The following CCDC97 variants were observed in gnomAD, a reference collection of about 807,000 sequenced individuals.
CCDC97 encodes coiled-coil domain containing 97, also known as coiled-coil domain-containing protein 97.
In CCDC97, 27 loss-of-function variants were observed where a neutral mutation model predicts 33.9. The observed-to-expected ratio is 0.80, with a 90% CI of 0.59 to 1.10. The LOEUF is 1.10. CCDC97 is among the 50% of genes least tolerant of loss of function. The probability of loss-of-function intolerance (pLI) is 0.00; values close to 1 mark genes in which losing one functional copy is unlikely to be tolerated. For synonymous variants in CCDC97, 217 were observed against 194.0 expected (o/e 1.12, Z -0.99); for missense variants, 422 against 476.6 (o/e 0.89, Z 1.07).
chr19:41,319,915 C>G, intron 3 of CCDC97, 63 bp downstream of exon 3: 1 of 786,700 alleles, frequency 1.3e-6, no homozygotes, highest in Non-Finnish European at 2.0e-6. Context: ...CTGTCTGTCT[C>G]CACTTCATGG....
At chr19:41,322,366 G>A (rs892404658) in intron 4 of CCDC97, among the ~76,000 whole-genome samples, 6 of 152,194 alleles carry the variant, frequency 3.9e-5, no homozygotes, top group African/African-American at 1.2e-4. Context: ...TGCTGGGATT[G>A]CAGGCATGAG....
chr19:41,321,569 T>TA (rs558406138), intron 4 of CCDC97, among the ~76,000 whole-genome samples: 84 of 152,304 alleles, frequency 5.5e-4, no homozygotes, highest in Admixed American at 2.0e-3. Context: ...GGTCCCACTC[T>TA]AGTGAGGAAG....
chr19:41,319,612 G>C lies in CCDC97; in HGVS notation c.541G>C (p.Ala181Pro). ...CAGTGATGAGCAGATGCGGTTCCGG[G>C]CCCCCCTGCTATATGAGCAGTACAT... ...YFSDEQMRFR[A>P]PLLYEQYIGQ... The change falls in exon 3 of 5, where the codon GCC (alanine) becomes CCC (proline). Residue 181 changes from alanine (A) to proline (P), a missense_variant. By Grantham distance (27) the Ala-to-Pro change is conservative. Coordinates refer to ENST00000269967, the MANE Select transcript of CCDC97 (RefSeq NM_052848.3). The C allele has an allele frequency of 6.2e-7, 1 of 1,611,774 alleles. No individual in the cohort carries two copies. Among genetic ancestry groups the C allele is most frequent in the Non-Finnish European group, 8.5e-7 (1 of 1,178,544 alleles).
At chr19:41,315,296 CAAA>C (rs71177714) in intron 1 of CCDC97, among the ~76,000 whole-genome samples, 1 of 41,728 alleles carries the variant, frequency 2.4e-5, no homozygotes, top group Non-Finnish European at 4.4e-5. Context: ...GACTCCGTCT[CAAA>C]AAAAAAAAAA....
chr19:41,322,848 AC>A lies in CCDC97; in HGVS notation c.*134del. On this transcript the variant is annotated 3_prime_UTR_variant, in exon 5 of 5. Transcript: ENST00000269967. ...CACAACCCACACACACCACCATCTC[AC>A]TGGGTCTAGTCTCATCTCAGACAAC... is the stretch of plus-strand genomic sequence containing the variant. 1 of 1,003,904 alleles carries A rather than the reference AC, an allele frequency of 1.0e-6. No individual in the cohort carries two copies. The highest frequency in any genetic ancestry group is 1.4e-6 in the Non-Finnish European group (1 of 696,832). 62.2% of individuals were successfully genotyped at this position (1,003,904 alleles called of 1,614,324 possible).
Position 41,319,648 on chromosome 19 carries a change from C to G in CCDC97, c.577C>G (p.Leu193Val). 6.2e-7 allele frequency: 1 copy of G among 1,614,100 alleles called. No homozygotes were observed. The highest frequency in any genetic ancestry group is 8.5e-7 in the Non-Finnish European group (1 of 1,179,974). Reference protein sequence around the residue: ...LLYEQYIGQYLTQEELSARTP... With the variant: ...LLYEQYIGQYVTQEELSARTP... ...ATATGAGCAGTACATCGGGCAGTAT[C>G]TCACCCAGGAGGAGCTCAGTGCCCG... is the stretch of plus-strand genomic sequence containing the variant. Residue 193 changes from leucine (L) to valine (V), a missense_variant, in exon 3 of 5, where the codon CTC becomes GTC. Transcript: ENST00000269967.
Position 41,320,322 on chromosome 19 carries a change from CT to C in CCDC97, c.782-18del, listed in dbSNP as rs536444877. ...CCGAGTGCACCCGCATTCACACCCCCTCTCCTCTCCCTCTGCAGACCAGAGG... is the reference window on the plus strand; with the variant it reads ...CCGAGTGCACCCGCATTCACACCCCCCTCCTCTCCCTCTGCAGACCAGAGG... On this transcript the variant is annotated intron_variant, in intron 3 of 4. Transcript: ENST00000269967. 4.3e-6 allele frequency: 7 copies of C among 1,613,160 alleles called. No homozygotes were observed. The Admixed American group carries it at 5.0e-5, about 12-fold the overall frequency.
intron 4 of CCDC97, among the ~76,000 whole-genome samples, chr19:41,321,529 A>G (rs1421891216): frequency 1.3e-5 from 2 of 152,216 alleles, no homozygotes; most frequent in East Asian, 3.8e-4. Flanking sequence ...GGGGACCAAA[A>G]CCAACGAAAG....
At chr19:41,318,180 GGCTCAGAC>G (rs1436705031) in intron 2 of CCDC97, among the ~76,000 whole-genome samples, 1 of 151,460 alleles carries the variant, frequency 6.6e-6, no homozygotes, top group Non-Finnish European at 1.5e-5. Flanking sequence ...TGGGCACAGT[GGCTCAGAC>G]CTGTAATCCC....
chr19:41,322,466 T>C (rs1476757181), intron 4 of CCDC97, 129 bp from the exon 5 acceptor site: 2 of 941,118 alleles, frequency 2.1e-6, no homozygotes, highest in Non-Finnish European at 3.2e-6. Flanking sequence ...AAACACTATC[T>C]CCCTTGGGAG....
intron 1 of CCDC97, chr19:41,310,987 A>C (rs2037676871): frequency 2.3e-6 from 1 of 442,938 alleles, no homozygotes; most frequent in Middle Eastern, 1.1e-3. Flanking sequence ...TAATTGTGGA[A>C]GCCAGATGGA....
At chr19:41,317,330 CACA>C in intron 2 of CCDC97, among the ~76,000 whole-genome samples, 1 of 152,222 alleles carries the variant, frequency 6.6e-6, no homozygotes, top group South Asian at 2.1e-4. Flanking sequence ...TCCTTGTGAC[CACA>C]ACACCAGAAC....
rs1479503983 is a variant in CCDC97 at position 41,310,219 on chromosome 19, A to G, written c.-92A>G. On this transcript the variant is annotated 5_prime_UTR_variant, in exon 1 of 5. Coordinates refer to ENST00000269967, the MANE Select transcript of CCDC97 (RefSeq NM_052848.3). ...GGCGCAGCGGTGCACCCGGACCCGG[A>G]ACATTCTCAGGCGAAAGTGTCTCTT... The G allele has an allele frequency of 6.1e-5, 93 of 1,527,618 alleles. No homozygotes were observed. In the East Asian group the frequency reaches 2.3e-3, roughly 37 times the overall value. 94.6% of individuals were successfully genotyped at this position (1,527,618 alleles called of 1,614,324 possible).
At position 41,320,405 on chromosome 19, in the gene CCDC97, A is replaced by C; in HGVS notation, c.846A>C (p.Arg282=). 6.2e-7 allele frequency: 1 copy of C among 1,614,100 alleles called. No individual in the cohort carries two copies. Among genetic ancestry groups the C allele is most frequent in the Non-Finnish European group, 8.5e-7 (1 of 1,180,006 alleles). Residue 282 remains arginine (R), a synonymous_variant, in exon 4 of 5, where the codon CGA becomes CGC. Transcript: ENST00000269967. ...ACTCGGAGGAGAGGCTGATCCTGCG[A>C]GAGGAGTTCACCAGCCGCATGCACC... ...VPDSEERLIL[R]EEFTSRMHQR... is the part of the protein sequence containing the mutation.
At chr19:41,317,992 CAAAAA>C (rs764111028) in intron 2 of CCDC97, among the ~76,000 whole-genome samples, 3 of 61,886 alleles carry the variant, frequency 4.8e-5, no homozygotes, top group African/African-American at 7.0e-5. Flanking sequence ...TGGAGGTTGC[CAAAAA>C]AAAAAAAAAA....
intron 2 of CCDC97, among the ~76,000 whole-genome samples, 186 bp from the exon 3 acceptor site, chr19:41,319,388 G>A (rs1321490726): frequency 6.6e-6 from 1 of 152,188 alleles, no homozygotes; most frequent in Non-Finnish European, 1.5e-5. Context: ...CACGCCTCAG[G>A]CGCCTGCATG....
rs1487288360 is a variant in CCDC97 at position 41,323,231 on chromosome 19, T to A, written c.*516T>A. On this transcript the variant is annotated 3_prime_UTR_variant, in exon 5 of 5. Coordinates refer to ENST00000269967, the MANE Select transcript of CCDC97 (RefSeq NM_052848.3). ...GTCTGTCTCCCCCTCTCTGTTTATG[T>A]CTGCGCTGTGTCTCACACTCAGAGC... 3 of 157,086 alleles carry A rather than the reference T, an allele frequency of 1.9e-5. No homozygotes were observed. Among genetic ancestry groups the A allele is most frequent in the African/African-American group, 7.2e-5 (3 of 41,452 alleles). 9.7% of individuals were successfully genotyped at this position (157,086 alleles called of 1,614,324 possible).
chr19:41,314,298 C>A (rs1318969513), intron 1 of CCDC97, among the ~76,000 whole-genome samples: 1 of 152,128 alleles, frequency 6.6e-6, no homozygotes, highest in Non-Finnish European at 1.5e-5. Context: ...AGGCATGTGC[C>A]ACAATGGCTG....
intron 2 of CCDC97, among the ~76,000 whole-genome samples, chr19:41,319,134 CA>C (rs1389429688): frequency 6.6e-6 from 1 of 152,220 alleles, no homozygotes; most frequent in Non-Finnish European, 1.5e-5. Context: ...ACACGAGCTC[CA>C]GACCGTCAGA....
Sources: allele counts gnomAD v4.1 joint callset (sites outside exome capture counted in the v4.1 genomes callset), GRCh38; gene constraint gnomAD v4.1.1; transcripts MANE v1.5; gene names NCBI Gene and HGNC (gene_info 2026-07-23, HGNC 2026-07-21).